Variants in USP24 observed in about 807,000 individuals in gnomAD.
The protein encoded by USP24 is ubiquitin carboxyl-terminal hydrolase 24.
Under a neutral mutation model 361.6 loss-of-function variants are expected in USP24, and 97 were observed. The ratio of observed to expected loss-of-function variants is 0.27; its 90% confidence interval spans 0.23 to 0.32. USP24 has a LOEUF of 0.32. Ranked by LOEUF, USP24 falls within the 10% of genes least tolerant of loss-of-function variation. USP24 has a pLI of 1.00. For missense variants in USP24, 2,353 were observed against 3,165.6 expected, an observed-to-expected ratio of 0.74 and a Z score of 6.16; for synonymous variants, 1,098 against 1,124.6, an observed-to-expected ratio of 0.98 and a Z score of 0.47.
chr1:55,130,665 C>T (rs1646564513), intron 31 of USP24, among the ~76,000 whole-genome samples: 1 of 152,154 alleles, frequency 6.6e-6, no homozygotes, highest in Admixed American at 6.5e-5. Context: ...AACCTGTGCT[C>T]TTCTAAGCCT....
intron 1 of USP24, among the ~76,000 whole-genome samples, chr1:55,179,556 C>A (rs1643901503): frequency 6.6e-6 from 1 of 152,192 alleles, no homozygotes; most frequent in Non-Finnish European, 1.5e-5. Flanking sequence ...TGATCCTTCC[C>A]CCGTAAATCC....
At chr1:55,084,025 T>C (rs1645202468) in intron 56 of USP24, 137 bp from the exon 57 acceptor site, 1 of 697,062 alleles carries the variant, frequency 1.4e-6, no homozygotes, top group Non-Finnish European at 2.4e-6. Flanking sequence ...CAGATGGACT[T>C]ATGCTTTGAA....
In USP24 at chr1:55,156,998, A is replaced by T. The variant is rs747108867; in HGVS notation, c.1396T>A (p.Leu466Met). Residue 466 changes from leucine (L) to methionine (M), a missense_variant, in exon 12 of 68, where the codon TTG becomes ATG. Around this residue, in one of 8 missense-constraint regions of USP24, gnomAD observed 386 missense variants for 560.5 expected, o/e 0.69. Coordinates refer to ENST00000294383, the MANE Select transcript of USP24 (RefSeq NM_015306.3). ...CDRIKGIIEL[L>M]GSKLSLDELT... ...TCATCTAACGACAATTTACTACCCA[A>T]GAGTTCAATAATTCCCTTTATACGG... is the stretch of plus-strand genomic sequence containing the variant. 5.0e-6 allele frequency: 8 copies of T among 1,613,076 alleles called. No individual in the cohort carries two copies. The highest frequency in any genetic ancestry group is 5.9e-6 in the Non-Finnish European group (7 of 1,179,426).
intron 18 of USP24, among the ~76,000 whole-genome samples, 168 bp from the exon 19 acceptor site, chr1:55,147,228 T>C (rs1356744438): frequency 6.6e-6 from 1 of 152,228 alleles, no homozygotes; most frequent in Admixed American, 6.5e-5. Flanking sequence ...GATAGTACAA[T>C]GTAATAGAAG....
rs1048996321 is a variant in USP24, at chr1:55,090,860, G to A, written c.6555-1120C>T. Among the ~76,000 whole-genome samples the A allele has an allele frequency of 9.8e-5, 15 of 152,336 alleles. No homozygotes were observed. In the East Asian group the frequency reaches 2.5e-3, roughly 25 times the overall value. On this transcript the variant is annotated intron_variant, in intron 54 of 67. Coordinates refer to ENST00000294383, the MANE Select transcript of USP24 (RefSeq NM_015306.3). The stretch of plus-strand genomic sequence containing the variant: ...TGCACTTTGGGAGGCCAAGGAAGGC[G>A]AATCACCTGAGGCTGGGAGTTCAAG...
chr1:55,159,726 G>A (rs1373645574), intron 8 of USP24, 41 bp from the exon 9 acceptor site: 2 of 1,495,798 alleles, frequency 1.3e-6, no homozygotes, highest in South Asian at 1.2e-5. Context: ...TCCCGAAGCT[G>A]TCCCAAAAGT....
chr1:55,188,733 T>C (rs1406917351), intron 1 of USP24, among the ~76,000 whole-genome samples: 1 of 150,600 alleles, frequency 6.6e-6, no homozygotes, highest in East Asian at 1.9e-4. Context: ...CTGAGGCAGG[T>C]GGATTGCCTG....
intron 28 of USP24, among the ~76,000 whole-genome samples, chr1:55,135,918 T>A (rs1646721573): frequency 1.3e-5 from 2 of 152,182 alleles, no homozygotes; most frequent in Admixed American, 6.5e-5. Flanking sequence ...ATAAACTAAT[T>A]CATGAAGTCA....
At chr1:55,115,710 A>G (rs989893203) in intron 38 of USP24, among the ~76,000 whole-genome samples, 21 of 152,162 alleles carry the variant, frequency 1.4e-4, no homozygotes, top group African/African-American at 5.1e-4. Context: ...ATAAAGACAC[A>G]TGCATGGGTA....
At position 55,141,704 on chromosome 1, in the gene USP24, T is replaced by G; in HGVS notation, c.2662A>C (p.Thr888Pro). Residue 888 changes from threonine (T) to proline (P), a missense_variant, in exon 24 of 68, where the codon ACT becomes CCT. Physicochemically the swap from Thr to Pro is conservative, Grantham distance 38. Around this residue, in one of 8 missense-constraint regions of USP24, gnomAD observed 949 missense variants for 1,280.5 expected, o/e 0.74. Coordinates refer to ENST00000294383, the MANE Select transcript of USP24 (RefSeq NM_015306.3). ...EAASSALGGPTLTHAVTRATK... is the reference protein window; with the variant it reads ...EAASSALGGPPLTHAVTRATK... Reference sequence around the variant, plus strand: ...GCTCTGGTCACAGCATGTGTTAGAGTGGGGCCACCAAGTGCTGAACTGGCT... The same window carrying G: ...GCTCTGGTCACAGCATGTGTTAGAGGGGGGCCACCAAGTGCTGAACTGGCT... 1.9e-6 allele frequency: 3 copies of G among 1,610,322 alleles called. No homozygotes were observed. The highest frequency in any genetic ancestry group is 2.5e-6 in the Non-Finnish European group (3 of 1,178,266).
At chr1:55,144,871 T>C (rs970013338) in intron 20 of USP24, among the ~76,000 whole-genome samples, 1 of 151,920 alleles carries the variant, frequency 6.6e-6, no homozygotes, top group Admixed American at 6.6e-5. Context: ...GAAGTGGAGG[T>C]TGCAGTGAGC....
intron 63 of USP24, 114 bp downstream of exon 63, chr1:55,075,343 C>G: frequency 2.0e-6 from 2 of 1,006,614 alleles, no homozygotes; most frequent in Non-Finnish European, 2.9e-6. Context: ...CAGACTTCTA[C>G]TGTATCAGTC....
intron 39 of USP24, among the ~76,000 whole-genome samples, chr1:55,109,333 A>C (rs1235989900): frequency 6.6e-6 from 1 of 152,150 alleles, no homozygotes; most frequent in Non-Finnish European, 1.5e-5. Context: ...CCACCATAGA[A>C]ATGTTGTTGA....
Position 55,095,169 on chromosome 1 carries a change from T to A in USP24, c.6203+86A>T. 3.6e-6 allele frequency: 5 copies of A among 1,377,208 alleles called. No homozygotes were observed. The South Asian group carries it at 9.2e-5, about 25-fold the overall frequency. 85.3% of individuals were successfully genotyped at this position (1,377,208 alleles called of 1,614,324 possible). On this transcript the variant is annotated intron_variant, in intron 51 of 67. Transcript: ENST00000294383. Reference sequence around the variant, plus strand: ...AATTTCTCTCCAGCTTAGCTAATTATCTTTAAAATCTCAAATAGTATATTG... The same window carrying A: ...AATTTCTCTCCAGCTTAGCTAATTAACTTTAAAATCTCAAATAGTATATTG...
chr1:55,107,294 G>C lies in USP24; in HGVS notation c.4707C>G (p.His1569Gln), dbSNP rs1250258415. 1 of 1,613,810 alleles carries C rather than the reference G, an allele frequency of 6.2e-7. No individual in the cohort carries two copies. Among genetic ancestry groups the C allele is most frequent in the Admixed American group, 1.7e-5 (1 of 60,002 alleles). The change falls in exon 40 of 68, where the codon CAC (histidine) becomes CAG (glutamine). Residue 1569 changes from histidine (H) to glutamine (Q), a missense_variant. Coordinates refer to ENST00000294383, the MANE Select transcript of USP24 (RefSeq NM_015306.3). ...AAAGAAGGGTCTTGATGAGGCGTAA[G>C]TGCCCTGCCAGTAAGATGTTGTCCG... is the stretch of plus-strand genomic sequence containing the variant. ...SEADNILLAGHLRLIKTLLSL... is the reference protein window; with the variant it reads ...SEADNILLAGQLRLIKTLLSL...
At chr1:55,075,007 A>C (rs79921385) in intron 63 of USP24, among the ~76,000 whole-genome samples, 2,563 of 152,298 alleles carry the variant, frequency 0.017, 64 homozygotes, top group African/African-American at 0.059. Context: ...GCCCTGCCCA[A>C]ACAACTTAAG....
In USP24 at chr1:55,097,089, C is replaced by T. The variant is rs774435023; in HGVS notation, c.5799G>A (p.Gly1933=). ...CTCCACCGCCCTGATCCACACTTCG[C>T]CCATTTTCCCCAACTTCAGAAGAAG... The part of the protein sequence containing the change: ...QDSSSEVGEN[G]RSVDQGGGGS... Residue 1933 remains glycine (G), a synonymous_variant, in exon 49 of 68, where the codon GGG becomes GGA. Transcript: ENST00000294383. 1.4e-5 allele frequency: 22 copies of T among 1,613,948 alleles called. No individual in the cohort carries two copies. The highest frequency in any genetic ancestry group is 1.4e-5 in the Non-Finnish European group (17 of 1,179,888).
At chr1:55,167,383 T>C (rs543013156) in intron 5 of USP24, among the ~76,000 whole-genome samples, 5 of 152,244 alleles carry the variant, frequency 3.3e-5, no homozygotes, top group Non-Finnish European at 7.4e-5. Context: ...GAAAAGACTC[T>C]GCTGTGTTTA....
intron 38 of USP24, among the ~76,000 whole-genome samples, chr1:55,114,882 G>A (rs892416170): frequency 6.6e-5 from 10 of 152,022 alleles, no homozygotes; most frequent in Admixed American, 2.0e-4. Context: ...ATTATATCCC[G>A]AAATTGACAA....
Sources: allele counts gnomAD v4.1 joint callset (sites outside exome capture counted in the v4.1 genomes callset), GRCh38; gene constraint gnomAD v4.1.1; regional missense constraint gnomAD v4.1.1; transcripts MANE v1.5; gene names NCBI Gene and HGNC (gene_info 2026-07-23, HGNC 2026-07-21).